The following MYO5A variants were observed in gnomAD, a reference collection of about 807,000 sequenced individuals.
The protein encoded by MYO5A is unconventional myosin-Va.
MYO5A carries 98 observed loss-of-function variants against 249.7 expected under a neutral mutation model. That is an observed-to-expected ratio of 0.39 (90% CI 0.33 to 0.46). The LOEUF is 0.46. MYO5A is among the 20% of genes least tolerant of loss of function. The pLI is 0.98. For synonymous variants in MYO5A, 778 were observed against 810.6 expected (o/e 0.96, Z 0.68); for missense variants, 1,696 against 2,308.8 (o/e 0.73, Z 5.44).
chr15:52,487,339 A>G (rs1567171986), intron 1 of MYO5A, among the ~76,000 whole-genome samples: 2 of 151,970 alleles, frequency 1.3e-5, no homozygotes, highest in South Asian at 4.2e-4. Flanking sequence ...TTGCTTGAGG[A>G]CAGGAGGTCA....
At chr15:52,412,012 A>G (rs889600668) in intron 5 of MYO5A, among the ~76,000 whole-genome samples, 2 of 152,204 alleles carry the variant, frequency 1.3e-5, no homozygotes, top group African/African-American at 4.8e-5. Context: ...ACCACAGCAA[A>G]AAGTCTGTAT....
At chr15:52,427,759 C>T (rs925859211) in intron 3 of MYO5A, among the ~76,000 whole-genome samples, 4 of 150,054 alleles carry the variant, frequency 2.7e-5, no homozygotes, top group East Asian at 1.9e-4. Context: ...AAGACGTCAG[C>T]GGAGAAAAAA....
chr15:52,454,436 T>C (rs777737560), intron 1 of MYO5A, among the ~76,000 whole-genome samples: 1 of 152,134 alleles, frequency 6.6e-6, no homozygotes, highest in Non-Finnish European at 1.5e-5. Flanking sequence ...AACACCTCAC[T>C]GTCAGTAATG....
At chr15:52,475,642 T>C (rs1398566784) in intron 1 of MYO5A, among the ~76,000 whole-genome samples, 5 of 152,264 alleles carry the variant, frequency 3.3e-5, no homozygotes, top group Admixed American at 6.5e-5. Context: ...CATTTTGTTA[T>C]GTACTCAGTA....
At chr15:52,433,999 C>CTTTTTTT (rs398043307) in intron 1 of MYO5A, among the ~76,000 whole-genome samples, 8 of 127,308 alleles carry the variant, frequency 6.3e-5, no homozygotes, top group Middle Eastern at 4.0e-3. Context: ...CTTTCTTTTT[C>CTTTTTTT]TTTTTTTTTT....
At chr15:52,351,955 T>C (rs750153096) in intron 27 of MYO5A, among the ~76,000 whole-genome samples, 13 of 152,250 alleles carry the variant, frequency 8.5e-5, no homozygotes, top group Non-Finnish European at 1.2e-4. Flanking sequence ...GAAAGACTAT[T>C]GAAATGTTAG....
rs2041227156 is a variant in MYO5A at position 52,373,284 on chromosome 15, G to T, written c.2578-921C>A. Among the ~76,000 whole-genome samples the T allele has an allele frequency of 2.0e-5, 3 of 152,318 alleles. No homozygotes were observed. In the South Asian group the frequency reaches 6.2e-4, roughly 32 times the overall value. On this transcript the variant is annotated intron_variant, in intron 20 of 41. Transcript: ENST00000399233. Reference sequence around the variant, plus strand: ...CACCGTGTAAACATTTTCTAGGAAAGATGGAGAAGAAATTCTTGAATTTTA... The same window carrying T: ...CACCGTGTAAACATTTTCTAGGAAATATGGAGAAGAAATTCTTGAATTTTA...
At chr15:52,428,376 T>C in intron 3 of MYO5A, 22 bp downstream of exon 3, 2 of 1,605,976 alleles carry the variant, frequency 1.2e-6, no homozygotes, top group Non-Finnish European at 1.7e-6. Flanking sequence ...CACAGTCTAT[T>C]CGGAAAGCAA....
intron 1 of MYO5A, among the ~76,000 whole-genome samples, chr15:52,507,083 T>C (rs903476739): frequency 6.6e-6 from 1 of 152,212 alleles, no homozygotes. Flanking sequence ...TATATCACAT[T>C]AGCCAGAACT....
intron 29 of MYO5A, among the ~76,000 whole-genome samples, chr15:52,346,967 G>A (rs2039667018): frequency 6.6e-6 from 1 of 151,768 alleles, no homozygotes; most frequent in Non-Finnish European, 1.5e-5. Flanking sequence ...GAAAAAGAAG[G>A]TAGTATTCAG....
chr15:52,397,604 T>G (rs2042547505), intron 9 of MYO5A, 138 bp from the exon 10 acceptor site: 4 of 1,021,106 alleles, frequency 3.9e-6, no homozygotes, highest in Non-Finnish European at 5.9e-6. Context: ...TCAAAGTTGA[T>G]TAGTGATAAT....
At chr15:52,450,938 C>T (rs1167595599) in intron 1 of MYO5A, among the ~76,000 whole-genome samples, 1 of 147,272 alleles carries the variant, frequency 6.8e-6, no homozygotes, top group Non-Finnish European at 1.5e-5. Context: ...ACCTTCACCT[C>T]CTGGGTCTTA....
rs139914068 is a variant in MYO5A, at chr15:52,516,736, G to A, written c.27+12044C>T. The stretch of plus-strand genomic sequence containing the variant: ...AGGTTGTTGATGCTGAAGGACTCTC[G>A]GGTTCTCAACTGTCCCCGAAAGCAA... On this transcript the variant is annotated intron_variant, in intron 1 of 41. Transcript: ENST00000399233. Among the ~76,000 whole-genome samples, 319 of 152,220 alleles carry A rather than the reference G, an allele frequency of 2.1e-3. 1 individual carries two copies. The highest frequency in any genetic ancestry group is 7.0e-3 in the African/African-American group (291 of 41,514).
chr15:52,379,583 A>C, intron 18 of MYO5A, 42 bp downstream of exon 18: 1 of 1,560,692 alleles, frequency 6.4e-7, no homozygotes, highest in Non-Finnish European at 8.8e-7. Context: ...TCAGAACCAC[A>C]AGGCCTTCTG....
chr15:52,467,545 C>T (rs990954674), intron 1 of MYO5A, among the ~76,000 whole-genome samples: 71 of 152,004 alleles, frequency 4.7e-4, no homozygotes, highest in African/African-American at 1.7e-3. Flanking sequence ...ACCAAGCTTA[C>T]GAATTATTGG....
intron 37 of MYO5A, among the ~76,000 whole-genome samples, chr15:52,322,883 A>T (rs1486339714): frequency 6.6e-6 from 1 of 151,474 alleles, no homozygotes; most frequent in African/African-American, 2.4e-5. Flanking sequence ...CACAATGTGC[A>T]GGTTAGTTAC....
intron 1 of MYO5A, among the ~76,000 whole-genome samples, chr15:52,462,732 C>T (rs2076277822): frequency 6.6e-6 from 1 of 151,958 alleles, no homozygotes; most frequent in African/African-American, 2.4e-5. Context: ...CCTGTAGTCC[C>T]AGCTACTCTG....
chr15:52,459,543 A>C (rs1359871150), intron 1 of MYO5A, among the ~76,000 whole-genome samples: 1 of 152,186 alleles, frequency 6.6e-6, no homozygotes, highest in Non-Finnish European at 1.5e-5. Flanking sequence ...GTACAGAACA[A>C]AATGGAGTCT....
At chr15:52,448,969 T>C (rs1164453990) in intron 1 of MYO5A, among the ~76,000 whole-genome samples, 2 of 128,772 alleles carry the variant, frequency 1.6e-5, no homozygotes, top group Non-Finnish European at 3.3e-5. Flanking sequence ...TTTTTTTTTT[T>C]TTTTTTTTTT....
Sources: allele counts gnomAD v4.1 joint callset (sites outside exome capture counted in the v4.1 genomes callset), GRCh38; gene constraint gnomAD v4.1.1; transcripts MANE v1.5; gene names NCBI Gene and HGNC (gene_info 2026-07-23, HGNC 2026-07-21).